Variants in ERI1 observed in about 807,000 individuals in gnomAD.
The protein encoded by ERI1 is 3'-5' exoribonuclease 1.
A neutral mutation model predicts 39.7 loss-of-function variants in ERI1; 39 were observed. The observed-to-expected ratio is 0.98, with a 90% CI of 0.76 to 1.28. ERI1 has a LOEUF of 1.28. ERI1 is among the 50% of genes most tolerant of loss of function. The pLI is 0.00. For missense variants in ERI1, 581 were observed against 416.9 expected, an observed-to-expected ratio of 1.39 and a Z score of -3.43; for synonymous variants, 204 against 149.6, an observed-to-expected ratio of 1.36 and a Z score of -2.65.
At chr8:9,099,134 C>G (rs1271828655) in intron 3 of ERI1, among the ~76,000 whole-genome samples, 2 of 152,138 alleles carry the variant, frequency 1.3e-5, no homozygotes, top group Non-Finnish European at 2.9e-5. Flanking sequence ...CACACCCGGC[C>G]ACAATTTGGT....
Position 9,003,016 on chromosome 8 carries a change from T to C in ERI1, c.-48T>C. 1.7e-6 allele frequency: 2 copies of C among 1,154,684 alleles called. No individual in the cohort carries two copies. Among genetic ancestry groups the C allele is most frequent in the Non-Finnish European group, 2.2e-6 (2 of 905,862 alleles). The allele number at this position is 1,154,684 out of a possible 1,614,324, so 71.5% of individuals were successfully genotyped here. ...GCTTTCGGGCTCTGCAGAGTGAGAG[T>C]TAGCAAGTGTCCGGCTCCAGCAACT... On this transcript the variant is annotated 5_prime_UTR_variant, in exon 1 of 7. Transcript: ENST00000250263.
At chr8:9,021,174 T>C (rs1473251315) in intron 6 of ERI1, among the ~76,000 whole-genome samples, 1 of 152,204 alleles carries the variant, frequency 6.6e-6, no homozygotes, top group Non-Finnish European at 1.5e-5. Context: ...CCCCTGGATG[T>C]AATAATTTAC....
At chr8:9,023,743 G>T (rs905313064) in intron 6 of ERI1, among the ~76,000 whole-genome samples, 3 of 148,814 alleles carry the variant, frequency 2.0e-5, no homozygotes, top group Non-Finnish European at 4.4e-5. Context: ...ATGCTAATAA[G>T]GTATATTATA....
chr8:9,011,642 A>G lies in ERI1; in HGVS notation c.388A>G (p.Ile130Val). Residue 130 changes from isoleucine to valine, a missense_variant, in exon 3 of 7, where the codon ATT becomes GTT. Transcript: ENST00000250263. ...TTTTGCTGACAGTTATTATGACTACATTTGTATTATTGACTTTGAAGCCAC... is the reference window on the plus strand; with the variant it reads ...TTTTGCTGACAGTTATTATGACTACGTTTGTATTATTGACTTTGAAGCCAC... ...SNFADSYYDY[I>V]CIIDFEATCE... is the part of the protein sequence containing the mutation. 5 of 1,613,640 alleles carry G rather than the reference A, an allele frequency of 3.1e-6. No homozygotes were observed. Among genetic ancestry groups the G allele is most frequent in the African/African-American group, 1.3e-5 (1 of 75,056 alleles).
chr8:9,093,307 T>A (rs1799767401), intron 3 of ERI1, among the ~76,000 whole-genome samples: 1 of 152,208 alleles, frequency 6.6e-6, no homozygotes. Context: ...TTGGGCCATA[T>A]TCAAAGCCGT....
chr8:9,027,178 T>TGTG (rs1797232974), intron 6 of ERI1, among the ~76,000 whole-genome samples: 2 of 151,374 alleles, frequency 1.3e-5, no homozygotes, highest in African/African-American at 2.4e-5. Context: ...TGTGTGTGTG[T>TGTG]TTATGGCCAT....
intron 3 of ERI1, among the ~76,000 whole-genome samples, chr8:9,085,329 C>A (rs567036588): frequency 4.5e-4 from 69 of 152,212 alleles, no homozygotes; most frequent in African/African-American, 1.6e-3. Context: ...CTGCTTCAGC[C>A]TCCCAAGGAG....
At chr8:9,050,521 A>G (rs1798324271) in intron 3 of ERI1, among the ~76,000 whole-genome samples, 1 of 152,008 alleles carries the variant, frequency 6.6e-6, no homozygotes, top group Non-Finnish European at 1.5e-5. Flanking sequence ...AAAAAAAAAA[A>G]AAATTCTAGG....
chr8:9,065,922 G>A (rs1208137912), intron 3 of ERI1, among the ~76,000 whole-genome samples: 3 of 152,168 alleles, frequency 2.0e-5, no homozygotes, highest in African/African-American at 4.8e-5. Context: ...GTCGGCAGTG[G>A]CTGGGCCTCT....
chr8:9,077,744 A>G (rs1196303749), intron 3 of ERI1, among the ~76,000 whole-genome samples: 1 of 152,192 alleles, frequency 6.6e-6, no homozygotes, highest in Non-Finnish European at 1.5e-5. Flanking sequence ...TGATGATTGC[A>G]TTCCTCTGGA....
At chr8:9,070,013 C>T (rs192319112) in intron 3 of ERI1, among the ~76,000 whole-genome samples, 27 of 151,650 alleles carry the variant, frequency 1.8e-4, no homozygotes, top group African/African-American at 4.6e-4. Context: ...CTGAGGTGGG[C>T]GGATCACCTG....
intron 6 of ERI1, among the ~76,000 whole-genome samples, chr8:9,024,525 A>G (rs764911347): frequency 3.3e-4 from 50 of 151,766 alleles, no homozygotes; most frequent in Non-Finnish European, 5.0e-4. Flanking sequence ...GGTTCAATCA[A>G]TTCTCCTGCC....
At chr8:9,093,520 AAAGAAGAAG>A (rs1222925187) in intron 3 of ERI1, among the ~76,000 whole-genome samples, 3 of 149,226 alleles carry the variant, frequency 2.0e-5, no homozygotes, top group South Asian at 2.1e-4. Context: ...AAAAAAAAAA[AAAGAAGAAG>A]AAGAAGAAGA....
intron 3 of ERI1, among the ~76,000 whole-genome samples, chr8:9,079,116 G>T (rs1176689168): frequency 6.6e-6 from 1 of 152,086 alleles, no homozygotes; most frequent in Non-Finnish European, 1.5e-5. Context: ...CTCATAGGGA[G>T]GGGAAAAAAG....
intron 6 of ERI1, among the ~76,000 whole-genome samples, chr8:9,027,178 T>TGTGTGTGTGTGTGTG (rs1797232974): frequency 2.0e-5 from 3 of 151,368 alleles, no homozygotes; most frequent in Non-Finnish European, 4.4e-5. Context: ...TGTGTGTGTG[T>TGTGTGTGTGTGTGTG]TTATGGCCAT....
intron 3 of ERI1, among the ~76,000 whole-genome samples, chr8:9,044,231 G>A (rs1798109505): frequency 6.6e-6 from 1 of 152,214 alleles, no homozygotes; most frequent in Admixed American, 6.5e-5. Flanking sequence ...TGGTGCGAAA[G>A]GATGTCCTTG....
downstream of ERI1, among the ~76,000 whole-genome samples, chr8:9,037,931 C>A (rs1314265129): frequency 6.7e-6 from 1 of 150,148 alleles, no homozygotes; most frequent in Non-Finnish European, 1.5e-5. Context: ...TATCTTTGGC[C>A]TTGAAAAAGG....
intron 3 of ERI1, among the ~76,000 whole-genome samples, chr8:9,084,533 C>T (rs541081116): frequency 1.3e-5 from 2 of 152,282 alleles, no homozygotes; most frequent in East Asian, 1.9e-4. Flanking sequence ...AACTCCACAG[C>T]TCAGACACTC....
chr8:9,003,447 T>C (rs1040902506), intron 1 of ERI1, among the ~76,000 whole-genome samples: 4 of 152,236 alleles, frequency 2.6e-5, no homozygotes, highest in Non-Finnish European at 5.9e-5. Flanking sequence ...TGCTTTAAAC[T>C]TAATTCTGTG....
Sources: allele counts gnomAD v4.1 joint callset (sites outside exome capture counted in the v4.1 genomes callset), GRCh38; gene constraint gnomAD v4.1.1; transcripts MANE v1.5; gene names NCBI Gene and HGNC (gene_info 2026-07-23, HGNC 2026-07-21).